FAM216B: variants seen among roughly 807,000 people sequenced by gnomAD.
The protein encoded by FAM216B is protein FAM216B.
A neutral mutation model predicts 12.9 loss-of-function variants in FAM216B; 11 were observed. The observed-to-expected ratio is 0.86, with a 90% CI of 0.54 to 1.42. FAM216B has a LOEUF of 1.42. Among genes scored for constraint, FAM216B ranks in the 40% most tolerant of loss-of-function variants. FAM216B has a pLI of 0.00. For synonymous variants in FAM216B, 52 were observed against 57.2 expected (o/e 0.91, Z 0.41); for missense variants, 167 against 162.9 (o/e 1.02, Z -0.14).
intron 2 of FAM216B, among the ~76,000 whole-genome samples, chr13:42,786,070 A>G (rs1027768765): frequency 1.3e-5 from 2 of 152,186 alleles, no homozygotes; most frequent in South Asian, 2.1e-4. Context: ...TAAACTCAAC[A>G]TAGTTAAAAG....
chr13:42,788,507 C>A, intron 3 of FAM216B, 84 bp from the exon 4 acceptor site: 2 of 1,135,410 alleles, frequency 1.8e-6, no homozygotes, highest in Non-Finnish European at 2.5e-6. Context: ...ATTTTGTACA[C>A]ATAAGTAAAT....
chr13:42,786,786 C>T lies in FAM216B; in HGVS notation c.123C>T (p.Arg41=), dbSNP rs142430750. ...AGGCCCTCAACCAAGGGCAACAGCG[C>T]TACTTTTACAGCATTATGAGGATTT... ...LLKALNQGQQ[R]YFYSIMRIYN... Residue 41 remains arginine (R), a synonymous_variant, in exon 3 of 4, where the codon CGC becomes CGT. Transcript: ENST00000313851. The T allele has an allele frequency of 6.2e-7, 1 of 1,614,058 alleles. No homozygotes were observed. The highest frequency in any genetic ancestry group is 1.3e-5 in the African/African-American group (1 of 75,032).
At chr13:42,781,908 T>C (rs1427613772) in intron 1 of FAM216B, among the ~76,000 whole-genome samples, 1 of 152,228 alleles carries the variant, frequency 6.6e-6, no homozygotes, top group Non-Finnish European at 1.5e-5. Context: ...GCTTGAAGCA[T>C]ATTTATTCTC....
rs1874200285 is a variant in FAM216B at position 42,788,861 on chromosome 13, T to C, written c.*71T>C. On this transcript the variant is annotated 3_prime_UTR_variant, in exon 4 of 4. Transcript: ENST00000313851. ...TGGTATCTAGTGGGTGCTTTGTGCA[T>C]ATTTGTTGAATGACAGTGAATAATT... is the stretch of plus-strand genomic sequence containing the variant. 7.3e-7 allele frequency: 1 copy of C among 1,367,592 alleles called. No homozygotes were observed. The highest frequency in any genetic ancestry group is 1.0e-6 in the Non-Finnish European group (1 of 999,772). The allele number at this position is 1,367,592 out of a possible 1,614,324, so 84.7% of individuals were successfully genotyped here.
At position 42,791,020 on chromosome 13, in the gene FAM216B, C is replaced by A. The variant is rs1231989732; in HGVS notation, c.*2230C>A. ...ACAGGTGATGAGACAACAAGTCTAT[C>A]CCGCAAAGGGCAGGGAATAGAGGGT... On this transcript the variant is annotated 3_prime_UTR_variant, in exon 4 of 4. Transcript: ENST00000313851. 1 of 152,056 alleles carries A rather than the reference C, an allele frequency of 6.6e-6. No homozygotes were observed. Among genetic ancestry groups the A allele is most frequent in the Non-Finnish European group, 1.5e-5 (1 of 68,012 alleles). The allele number at this position is 152,056 out of a possible 1,614,324, so 9.4% of individuals were successfully genotyped here.
intron 3 of FAM216B, among the ~76,000 whole-genome samples, chr13:42,787,744 T>C (rs995693811): frequency 6.6e-6 from 1 of 152,204 alleles, no homozygotes; most frequent in East Asian, 1.9e-4. Flanking sequence ...AAGGAAGGCA[T>C]GGTTTTTGCA....
rs374051690 is a variant in FAM216B at position 42,784,067 on chromosome 13, G to A, written c.-1G>A. ...TGTTTCTTGGAGGTATAGGATAAACGATGGGACAAAACTGGAAAAGACAAC... is the reference window on the plus strand; with the variant it reads ...TGTTTCTTGGAGGTATAGGATAAACAATGGGACAAAACTGGAAAAGACAAC... On this transcript the variant is annotated 5_prime_UTR_variant, in exon 2 of 4. Coordinates refer to ENST00000313851, the MANE Select transcript of FAM216B (RefSeq NM_001318932.2). 34 of 1,594,070 alleles carry A rather than the reference G, an allele frequency of 2.1e-5. No homozygotes were observed. The highest frequency in any genetic ancestry group is 2.6e-5 in the Non-Finnish European group (30 of 1,173,196).
Position 42,790,465 on chromosome 13 carries a change from T to A in FAM216B, c.*1675T>A, listed in dbSNP as rs966218393. ...AAGCACCTTGCATCTGATAGAGGCT[T>A]GTAAGAGCAGATTGACAGGTGAATG... On this transcript the variant is annotated 3_prime_UTR_variant, in exon 4 of 4. Transcript: ENST00000313851. 1 of 152,118 alleles carries A rather than the reference T, an allele frequency of 6.6e-6. No homozygotes were observed. The highest frequency in any genetic ancestry group is 2.4e-5 in the African/African-American group (1 of 41,438). The allele number at this position is 152,118 out of a possible 1,614,324, so 9.4% of individuals were successfully genotyped here.
rs370535914 is a variant in FAM216B at position 42,791,022 on chromosome 13, C to T, written c.*2232C>T. The T allele has an allele frequency of 4.6e-5, 7 of 152,078 alleles. No homozygotes were observed. Among genetic ancestry groups the T allele is most frequent in the African/African-American group, 1.2e-4 (5 of 41,482 alleles). The allele number at this position is 152,078 out of a possible 1,614,324, so 9.4% of individuals were successfully genotyped here. ...AGGTGATGAGACAACAAGTCTATCC[C>T]GCAAAGGGCAGGGAATAGAGGGTAC... On this transcript the variant is annotated 3_prime_UTR_variant, in exon 4 of 4. Transcript: ENST00000313851.
chr13:42,788,631 A>G lies in FAM216B; in HGVS notation c.261A>G (p.Val87=). The G allele has an allele frequency of 6.2e-7, 1 of 1,613,876 alleles. No individual in the cohort carries two copies. The part of the protein sequence containing the change: ...TQREALSYAL[V]LRDSTKRASA... ...GGGAAGCCTTGTCTTATGCTCTTGT[A>G]CTTAGAGATTCAACCAAGAGAGCCT... The change falls in exon 4 of 4, where the codon GTA becomes GTG. Residue 87 remains valine (V), a synonymous_variant. Transcript: ENST00000313851.
chr13:42,788,031 A>G (rs1007784209), intron 3 of FAM216B, among the ~76,000 whole-genome samples: 7 of 152,240 alleles, frequency 4.6e-5, no homozygotes, highest in African/African-American at 1.7e-4. Flanking sequence ...AGCATCATCT[A>G]GTAGCTTTGT....
At chr13:42,783,516 A>G (rs899502671) in intron 1 of FAM216B, among the ~76,000 whole-genome samples, 1 of 152,246 alleles carries the variant, frequency 6.6e-6, no homozygotes, top group Non-Finnish European at 1.5e-5. Context: ...CCAAAATCCA[A>G]TATGCTCCAA....
chr13:42,783,537 C>G (rs547993273), intron 1 of FAM216B, among the ~76,000 whole-genome samples: 1 of 152,012 alleles, frequency 6.6e-6, no homozygotes, highest in Non-Finnish European at 1.5e-5. Context: ...TGAACATATC[C>G]TTTAAGCATC....
intron 3 of FAM216B, among the ~76,000 whole-genome samples, chr13:42,788,192 T>C (rs1314378484): frequency 1.3e-5 from 2 of 152,188 alleles, no homozygotes; most frequent in Non-Finnish European, 2.9e-5. Flanking sequence ...TTTAGAGTCA[T>C]AAATCTGCAT....
intron 1 of FAM216B, among the ~76,000 whole-genome samples, chr13:42,782,346 G>T (rs1873887741): frequency 6.6e-6 from 1 of 152,196 alleles, no homozygotes; most frequent in Non-Finnish European, 1.5e-5. Flanking sequence ...CACGATTTCA[G>T]TGAATCAAAC....
In FAM216B at chr13:42,789,636, T is replaced by TTGTGTGAGTGTGTG. The variant is rs1874238186; in HGVS notation, c.*852_*853insAGTGTGTGTGTGTG. 6.7e-6 allele frequency: 1 copy of TTGTGTGAGTGTGTG among 150,260 alleles called. No individual in the cohort carries two copies. The highest frequency in any genetic ancestry group is 2.4e-5 in the African/African-American group (1 of 40,834). The allele number at this position is 150,260 out of a possible 1,614,324, so 9.3% of individuals were successfully genotyped here. ...ATGGTTATTTTCATCACCAGAGATT[T>TTGTGTGAGTGTGTG]TGTGTGTGTGTGTGTGTGTGTGTGT... On this transcript the variant is annotated 3_prime_UTR_variant, in exon 4 of 4. Transcript: ENST00000313851.
chr13:42,787,538 C>T (rs1410136996), intron 3 of FAM216B, among the ~76,000 whole-genome samples: 3 of 152,176 alleles, frequency 2.0e-5, no homozygotes, highest in African/African-American at 7.2e-5. Context: ...TGTGAAAGAC[C>T]TTCACAAATT....
intron 2 of FAM216B, 27 bp downstream of exon 2, chr13:42,784,193 T>TTTTTC (rs1555249502): frequency 2.8e-6 from 4 of 1,416,742 alleles, no homozygotes; most frequent in Middle Eastern, 1.8e-4. Flanking sequence ...TTTTTTTTTT[T>TTTTTC]CACAGATAGA....
At chr13:42,788,387 C>T (rs9525684) in intron 3 of FAM216B, among the ~76,000 whole-genome samples, 23,658 of 151,984 alleles carry the variant, frequency 0.16, 1,928 homozygotes, top group Middle Eastern at 0.2. Flanking sequence ...TGTTAATCAA[C>T]GACCAAGTGT....
Sources: allele counts gnomAD v4.1 joint callset (sites outside exome capture counted in the v4.1 genomes callset), GRCh38; gene constraint gnomAD v4.1.1; transcripts MANE v1.5; gene names NCBI Gene and HGNC (gene_info 2026-07-23, HGNC 2026-07-21).